ZNF148: variants seen among roughly 807,000 people sequenced by gnomAD.
The protein encoded by ZNF148 is Beta-Enolase Repressor Factor-1.
In ZNF148, 7 loss-of-function variants were observed where a neutral mutation model predicts 67.7. The ratio of observed to expected loss-of-function variants is 0.10; its 90% CI spans 0.06 to 0.19. ZNF148 has a LOEUF of 0.19. Among genes scored for constraint, ZNF148 ranks in the 10% least tolerant of loss-of-function variants. The pLI is 1.00. For missense variants in ZNF148, 583 were observed against 947.1 expected, an observed-to-expected ratio of 0.62 and a Z score of 5.05; for synonymous variants, 333 against 330.7, an observed-to-expected ratio of 1.01 and a Z score of -0.08.
intron 4 of ZNF148, among the ~76,000 whole-genome samples, chr3:125,298,372 C>CACACACACACACACACACACAT (rs1050902396): frequency 6.6e-6 from 1 of 151,856 alleles, no homozygotes; most frequent in South Asian, 2.1e-4. Flanking sequence ...CACACACACA[C>CACACACACACACACACACACAT]ATGCTCCTTT....
chr3:125,373,380 C>T (rs1015125480), intron 1 of ZNF148, among the ~76,000 whole-genome samples: 1 of 151,604 alleles, frequency 6.6e-6, no homozygotes, highest in Non-Finnish European at 1.5e-5. Flanking sequence ...TGTGAGCCAC[C>T]GCGCCCAGCT....
intron 7 of ZNF148, among the ~76,000 whole-genome samples, chr3:125,275,555 G>T (rs1938009742): frequency 6.6e-6 from 1 of 152,002 alleles, no homozygotes. Flanking sequence ...TAACTTATGT[G>T]CACTTCTTAC....
intron 7 of ZNF148, 68 bp from the exon 8 acceptor site, chr3:125,234,397 G>C (rs1935986936): frequency 9.0e-7 from 1 of 1,105,066 alleles, no homozygotes; most frequent in Non-Finnish European, 1.3e-6. Flanking sequence ...TTTGCCATAA[G>C]AATCTCTAAA....
intron 7 of ZNF148, among the ~76,000 whole-genome samples, chr3:125,252,093 G>C (rs540222605): frequency 2.0e-5 from 3 of 152,078 alleles, no homozygotes; most frequent in South Asian, 2.1e-4. Flanking sequence ...TTGTGTTTCT[G>C]TGAAGTGTCT....
chr3:125,257,355 C>A (rs760268166), intron 7 of ZNF148, among the ~76,000 whole-genome samples: 2 of 152,020 alleles, frequency 1.3e-5, no homozygotes, highest in Non-Finnish European at 1.5e-5. Context: ...AGTTTGAGAA[C>A]AGCCTGGCCT....
intron 7 of ZNF148, among the ~76,000 whole-genome samples, chr3:125,251,802 T>C (rs932752446): frequency 6.6e-6 from 1 of 152,354 alleles, no homozygotes; most frequent in South Asian, 2.1e-4. Flanking sequence ...TATGCAATTA[T>C]ATAGGGTATA....
chr3:125,288,443 AT>A (rs571354464), intron 4 of ZNF148, among the ~76,000 whole-genome samples: 28 of 149,622 alleles, frequency 1.9e-4, no homozygotes, highest in Admixed American at 6.0e-4. Context: ...GGATAAACAG[AT>A]TTTTTTTTTA....
chr3:125,313,441 C>A lies in ZNF148; in HGVS notation c.200G>T (p.Ser67Ile). The change falls in exon 4 of 9, where the codon AGT (serine) becomes ATT (isoleucine). Residue 67 changes from serine to isoleucine, a missense_variant. Physicochemically the swap from Ser to Ile is moderately radical, Grantham distance 142. Around this residue, in one of 5 missense-constraint regions of ZNF148, gnomAD observed 150 missense variants for 202.5 expected, o/e 0.74. Coordinates refer to ENST00000360647, the MANE Select transcript of ZNF148 (RefSeq NM_021964.3). The stretch of plus-strand genomic sequence containing the variant: ...TATCATATCCTGTTGTCTCATTTCA[C>A]TTTCTTGTAACACTTCATCTGCAGC... ...ILAADEVLQESEMRQQDMISH... is the reference protein window; with the variant it reads ...ILAADEVLQEIEMRQQDMISH... 1.2e-6 allele frequency: 2 copies of A among 1,614,082 alleles called. No homozygotes were observed. Among genetic ancestry groups the A allele is most frequent in the South Asian group, 2.2e-5 (2 of 91,080 alleles).
intron 2 of ZNF148, among the ~76,000 whole-genome samples, chr3:125,326,698 A>ATC (rs1421968555): frequency 6.8e-6 from 1 of 147,854 alleles, no homozygotes; most frequent in African/African-American, 2.5e-5. Context: ...TGCTTTATAT[A>ATC]TGTATATATA....
chr3:125,298,897 G>C (rs1044082995), intron 4 of ZNF148, among the ~76,000 whole-genome samples: 1 of 152,022 alleles, frequency 6.6e-6, no homozygotes, highest in Non-Finnish European at 1.5e-5. Flanking sequence ...AAAGTGCTGG[G>C]ATTACAGGCG....
At chr3:125,362,297 A>G (rs756276674) in intron 1 of ZNF148, among the ~76,000 whole-genome samples, 4 of 152,088 alleles carry the variant, frequency 2.6e-5, no homozygotes, top group Non-Finnish European at 5.9e-5. Flanking sequence ...AGCTTCTAAA[A>G]TGCTGTAACT....
At chr3:125,235,087 A>G (rs1319058111) in intron 7 of ZNF148, among the ~76,000 whole-genome samples, 1 of 152,226 alleles carries the variant, frequency 6.6e-6, no homozygotes. Flanking sequence ...ATAAAACCAC[A>G]GTCTAAGTAA....
intron 7 of ZNF148, among the ~76,000 whole-genome samples, chr3:125,269,261 G>A (rs912491006): frequency 6.7e-6 from 1 of 148,680 alleles, no homozygotes; most frequent in Non-Finnish European, 1.5e-5. Flanking sequence ...TGCACCTGCA[G>A]TCCCAGCTAC....
intron 5 of ZNF148, among the ~76,000 whole-genome samples, chr3:125,280,752 C>T (rs1444980185): frequency 2.2e-4 from 20 of 91,468 alleles, no homozygotes; most frequent in African/African-American, 6.7e-4. Context: ...TCATTATTGA[C>T]GAAAGCAAAA....
chr3:125,342,212 G>A (rs1487984765), intron 1 of ZNF148, among the ~76,000 whole-genome samples: 1 of 151,600 alleles, frequency 6.6e-6, no homozygotes, highest in African/African-American at 2.4e-5. Flanking sequence ...ACTACTTGAA[G>A]AAATGATAAC....
At chr3:125,373,926 T>C (rs1406117687) in intron 1 of ZNF148, among the ~76,000 whole-genome samples, 1 of 152,196 alleles carries the variant, frequency 6.6e-6, no homozygotes. Context: ...GGCTGAATAA[T>C]ACGGCACCAA....
intron 7 of ZNF148, among the ~76,000 whole-genome samples, chr3:125,237,706 T>C (rs1461613510): frequency 6.6e-6 from 1 of 152,196 alleles, no homozygotes. Context: ...ACAATTCAAT[T>C]AATTCTATAT....
chr3:125,313,451 A>G lies in ZNF148; in HGVS notation c.190T>C (p.Leu64=). 1.2e-6 allele frequency: 2 copies of G among 1,614,108 alleles called. No homozygotes were observed. Among genetic ancestry groups the G allele is most frequent in the Non-Finnish European group, 1.7e-6 (2 of 1,180,032 alleles). The change falls in exon 4 of 9, where the codon TTA becomes CTA. Residue 64 remains leucine, a synonymous_variant. Transcript: ENST00000360647. The part of the protein sequence containing the change: ...HQEILAADEV[L]QESEMRQQDM... ...TGTTGTCTCATTTCACTTTCTTGTA[A>G]CACTTCATCTGCAGCAAGGATCTCC...
At chr3:125,272,558 C>T (rs550479699) in intron 7 of ZNF148, among the ~76,000 whole-genome samples, 6 of 152,084 alleles carry the variant, frequency 3.9e-5, no homozygotes, top group African/African-American at 1.4e-4. Flanking sequence ...TGGATGACTT[C>T]CCCTATCCTC....
Sources: allele counts gnomAD v4.1 joint callset (sites outside exome capture counted in the v4.1 genomes callset), GRCh38; gene constraint gnomAD v4.1.1; regional missense constraint gnomAD v4.1.1; transcripts MANE v1.5; gene names NCBI Gene and HGNC (gene_info 2026-07-23, HGNC 2026-07-21).